The following ISY1 variants were observed in gnomAD, a reference collection of about 807,000 sequenced individuals.
The protein encoded by ISY1 is pre-mRNA-splicing factor ISY1 homolog.
A neutral mutation model predicts 54.4 loss-of-function variants in ISY1; 12 were observed. That is an observed-to-expected ratio of 0.22 (90% CI 0.14 to 0.36). The LOEUF is 0.36. Among genes scored for constraint, ISY1 ranks in the 10% least tolerant of loss-of-function variants. The pLI, the probability that ISY1 is intolerant of heterozygous loss-of-function variation, is 1.00. For missense variants in ISY1, 282 were observed against 342.2 expected, an observed-to-expected ratio of 0.82 and a Z score of 1.39; for synonymous variants, 96 against 117.9, an observed-to-expected ratio of 0.81 and a Z score of 1.20.
At chr3:129,147,398 A>T (rs574264734) in intron 5 of ISY1, among the ~76,000 whole-genome samples, 1 of 152,204 alleles carries the variant, frequency 6.6e-6, no homozygotes, top group South Asian at 2.1e-4. Flanking sequence ...AAATAAAAAA[A>T]ATACATTTTA....
intron 5 of ISY1, among the ~76,000 whole-genome samples, chr3:129,155,571 CTAAT>C (rs1383584158): frequency 6.6e-6 from 1 of 152,132 alleles, no homozygotes; most frequent in African/African-American, 2.4e-5. Context: ...CGTTTTCACT[CTAAT>C]TAAATTCAAA....
At position 129,134,192 on chromosome 3, in the gene ISY1, C is replaced by G; in HGVS notation, c.545G>C (p.Arg182Thr). Residue 182 changes from arginine (R) to threonine (T), a missense_variant, in exon 9 of 11, where the codon AGA becomes ACA. Physicochemically the swap from Arg to Thr is moderately conservative, Grantham distance 71 (BLOSUM62 -1). This residue lies in a region of ISY1 where 279 missense variants were observed against 323.6 expected (regional missense o/e 0.86). Transcript: ENST00000393295. ...PLEQEYEKKLRAELVEKWKAE... is the reference protein window; with the variant it reads ...PLEQEYEKKLTAELVEKWKAE... ...TTTCCACTTTTCCACTAACTCGGCT[C>G]TGACTGAACACAAGAGAGGGTAGGT... is the stretch of plus-strand genomic sequence containing the variant. 2 of 1,614,190 alleles carry G rather than the reference C, an allele frequency of 1.2e-6. No homozygotes were observed. Among genetic ancestry groups the G allele is most frequent in the Non-Finnish European group, 1.7e-6 (2 of 1,180,038 alleles).
At chr3:129,141,230 T>TAAATAAAA (rs1936601366) in intron 6 of ISY1, among the ~76,000 whole-genome samples, 1 of 112,058 alleles carries the variant, frequency 8.9e-6, no homozygotes, top group African/African-American at 3.0e-5. Context: ...AATAAATAAA[T>TAAATAAAA]AAAAAACACT....
chr3:129,144,351 C>T (rs1285440021), intron 6 of ISY1, among the ~76,000 whole-genome samples: 3 of 152,210 alleles, frequency 2.0e-5, no homozygotes, highest in African/African-American at 7.2e-5. Context: ...AGTGCCTTTC[C>T]TCTTCTGCAG....
chr3:129,133,313 C>CA (rs995263457), intron 9 of ISY1, among the ~76,000 whole-genome samples: 1 of 152,178 alleles, frequency 6.6e-6, no homozygotes, highest in Non-Finnish European at 1.5e-5. Context: ...AGAAAATATG[C>CA]AAAAGGTCTG....
intron 5 of ISY1, among the ~76,000 whole-genome samples, chr3:129,152,347 T>C (rs765477484): frequency 6.6e-6 from 1 of 152,198 alleles, no homozygotes; most frequent in Non-Finnish European, 1.5e-5. Context: ...ATCTACTATG[T>C]TTTTCCAGAA....
chr3:129,130,717 G>A lies in ISY1; in HGVS notation c.664-81C>T, dbSNP rs887572336. On this transcript the variant is annotated intron_variant, in intron 9 of 10. Transcript: ENST00000393295. ...GCAACTCTATAAAACACACTACTCT[G>A]CAACTATTTAAAAGAAAAAAAAACT... The A allele has an allele frequency of 2.8e-6, 4 of 1,438,490 alleles. No homozygotes were observed. The African/African-American group carries it at 5.8e-5, about 21-fold the overall frequency. The allele number at this position is 1,438,490 out of a possible 1,614,324, so 89.1% of individuals were successfully genotyped here. A position where few individuals can be genotyped will look rare whatever the true frequency, so the allele number is the denominator to read the frequency against.
rs935365040 is a variant in ISY1, at chr3:129,131,739, A to G, written c.664-1103T>C. 2.0e-5 allele frequency among the ~76,000 whole-genome samples: 3 copies of G among 152,206 alleles called. No homozygotes were observed. In the East Asian group the frequency reaches 5.8e-4, roughly 29 times the overall value. The stretch of plus-strand genomic sequence containing the variant: ...GACTCACAGCATGATCCCATTTATA[A>G]AACATTCTGAAATGACAAAATCAGA... On this transcript the variant is annotated intron_variant, in intron 9 of 10. Coordinates refer to ENST00000393295, the MANE Select transcript of ISY1 (RefSeq NM_020701.4).
chr3:129,153,856 G>C (rs1937047679), intron 5 of ISY1, among the ~76,000 whole-genome samples: 1 of 152,092 alleles, frequency 6.6e-6, no homozygotes, highest in Non-Finnish European at 1.5e-5. Context: ...TGTAATCCTA[G>C]CACTTTGGAA....
chr3:129,135,536 C>T (rs1383855746), intron 7 of ISY1, among the ~76,000 whole-genome samples: 6 of 151,916 alleles, frequency 3.9e-5, no homozygotes, highest in African/African-American at 7.3e-5. Flanking sequence ...GAGGCCGAGG[C>T]GGGAGAATCA....
At chr3:129,153,776 ACT>A (rs1175040397) in intron 5 of ISY1, among the ~76,000 whole-genome samples, 1 of 151,934 alleles carries the variant, frequency 6.6e-6, no homozygotes, top group Non-Finnish European at 1.5e-5. Flanking sequence ...ACAGAGCAAG[ACT>A]CTGTCTCAAA....
At chr3:129,130,219 C>T in intron 10 of ISY1, 31 bp from the exon 11 acceptor site, 1 of 1,567,718 alleles carries the variant, frequency 6.4e-7, no homozygotes, top group Non-Finnish European at 8.6e-7. Flanking sequence ...GGGCTCACTC[C>T]TCAGCAAAGC....
chr3:129,139,746 A>C (rs1936552485), intron 7 of ISY1, among the ~76,000 whole-genome samples: 1 of 151,892 alleles, frequency 6.6e-6, no homozygotes. Flanking sequence ...AGATTCAAGC[A>C]ATTCTCCTGT....
chr3:129,159,871 T>C (rs1034476402), intron 1 of ISY1, among the ~76,000 whole-genome samples: 2 of 152,214 alleles, frequency 1.3e-5, no homozygotes, highest in African/African-American at 2.4e-5. Context: ...ACACCAGGCA[T>C]GCAATTTATA....
rs559952309 is a variant in ISY1 at position 129,139,100 on chromosome 3, A to G, written c.418+1268T>C. Among the ~76,000 whole-genome samples, 97 of 151,108 alleles carry G rather than the reference A, an allele frequency of 6.4e-4. 4 individuals carry two copies. In the South Asian group the frequency reaches 0.02, roughly 31 times the overall value. On this transcript the variant is annotated intron_variant, in intron 7 of 10. Coordinates refer to ENST00000393295, the MANE Select transcript of ISY1 (RefSeq NM_020701.4). ...CAGGTGCCTGCCATATGCCCAGCTA[A>G]TTTTTTTTGTATTTTTAGTAGAGAC...
At chr3:129,130,777 C>T (rs973013306) in intron 9 of ISY1, 141 bp from the exon 10 acceptor site, 3 of 860,796 alleles carry the variant, frequency 3.5e-6, no homozygotes, top group African/African-American at 3.5e-5. Flanking sequence ...GACACTTGAC[C>T]CACAAGATTA....
chr3:129,131,453 T>C (rs962143246), intron 9 of ISY1, among the ~76,000 whole-genome samples: 1 of 152,270 alleles, frequency 6.6e-6, no homozygotes, highest in African/African-American at 2.4e-5. Flanking sequence ...GTGAAATATA[T>C]GGGTCACAAG....
At chr3:129,149,769 A>G (rs1423358987) in intron 5 of ISY1, among the ~76,000 whole-genome samples, 1 of 128,270 alleles carries the variant, frequency 7.8e-6, no homozygotes, top group Non-Finnish European at 1.6e-5. Context: ...AGCCTGGGCG[A>G]AAGAGCAAGA....
chr3:129,145,896 A>G (rs777905745), intron 5 of ISY1, 23 bp from the exon 6 acceptor site: 10 of 1,611,460 alleles, frequency 6.2e-6, no homozygotes, highest in Admixed American at 5.0e-5. Flanking sequence ...AAGGTTAACA[A>G]TATCATTCCA....
Sources: allele counts gnomAD v4.1 joint callset (sites outside exome capture counted in the v4.1 genomes callset), GRCh38; gene constraint gnomAD v4.1.1; regional missense constraint gnomAD v4.1.1; transcripts MANE v1.5; gene names NCBI Gene and HGNC (gene_info 2026-07-23, HGNC 2026-07-21).